NEDD9: variants seen among roughly 807,000 people sequenced by gnomAD.
NEDD9 encodes the protein enhancer of filamentation 1.
Under a neutral mutation model 76.6 loss-of-function variants are expected in NEDD9, and 26 were observed. That is an observed-to-expected ratio of 0.34 (90% confidence interval 0.25 to 0.47). NEDD9 has a LOEUF of 0.47. Ranked by LOEUF, NEDD9 falls within the 20% of genes least tolerant of loss-of-function variation. The pLI, the probability that NEDD9 is intolerant of heterozygous loss-of-function variation, is 1.00. For synonymous variants in NEDD9, 392 were observed against 414.2 expected, an observed-to-expected ratio of 0.95 and a Z score of 0.65; for missense variants, 937 against 1,058.5, an observed-to-expected ratio of 0.89 and a Z score of 1.59.
intron 2 of NEDD9, among the ~76,000 whole-genome samples, chr6:11,322,677 G>T (rs1761835567): frequency 6.6e-6 from 1 of 152,156 alleles, no homozygotes; most frequent in Non-Finnish European, 1.5e-5. Context: ...GAATAATGGA[G>T]TTCAGTGTTA....
chr6:11,378,861 C>T (rs922798479), intron 1 of NEDD9, among the ~76,000 whole-genome samples: 20 of 152,176 alleles, frequency 1.3e-4, no homozygotes, highest in African/African-American at 4.1e-4. Flanking sequence ...TACCTCCACC[C>T]GTCCCCTCAG....
chr6:11,298,264 A>G (rs1760951136), intron 3 of NEDD9, among the ~76,000 whole-genome samples: 1 of 152,148 alleles, frequency 6.6e-6, no homozygotes, highest in South Asian at 2.1e-4. Flanking sequence ...GAATATATGT[A>G]TGCGTAGTGT....
intron 2 of NEDD9, among the ~76,000 whole-genome samples, chr6:11,324,079 G>A (rs563784840): frequency 2.8e-4 from 42 of 152,284 alleles, no homozygotes; most frequent in African/African-American, 9.4e-4. Context: ...CAAGGATGCC[G>A]GGGAGGGCAC....
intron 1 of NEDD9, 35 bp downstream of exon 1, chr6:11,232,469 G>C (rs75150322): frequency 1.9e-6 from 3 of 1,613,938 alleles, no homozygotes; most frequent in African/African-American, 1.3e-5. Flanking sequence ...ACAGCTTTCA[G>C]CTTGCAAGGT....
At chr6:11,236,731 C>G (rs1759611589), upstream of NEDD9, among the ~76,000 whole-genome samples, 2 of 152,192 alleles carry the variant, frequency 1.3e-5, no homozygotes, top group South Asian at 4.1e-4. The surrounding 1 kb of genome is among the most constrained non-coding windows in gnomAD (Gnocchi z 5.5). Context: ...GCCTAACTCT[C>G]TCACTGCTGT....
chr6:11,209,491 G>A (rs1258505972), intron 2 of NEDD9, among the ~76,000 whole-genome samples: 2 of 152,188 alleles, frequency 1.3e-5, no homozygotes, highest in East Asian at 3.9e-4. Flanking sequence ...TGTACCTTCG[G>A]TGTGTCGTAA....
rs1758347214 is a variant in NEDD9, at chr6:11,198,511, C to T, written c.460-4819G>A. ...GCCCGGCTGAATGCCTTTCCCCCAC[C>T]AAGCCCTTCCCAAACAGATAATATG... On this transcript the variant is annotated intron_variant, in intron 2 of 6. Coordinates refer to ENST00000379446, the MANE Select transcript of NEDD9 (RefSeq NM_006403.4). The surrounding 1 kb of genome is among the most constrained non-coding windows in gnomAD (Gnocchi z 4.7). 6.6e-6 allele frequency: 1 copy of T among 152,312 alleles called. No homozygotes were observed. Among genetic ancestry groups the T allele is most frequent in the East Asian group, 1.9e-4 (1 of 5,172 alleles). The allele number at this position is 152,312 out of a possible 1,614,324, so 9.4% of individuals were successfully genotyped here. A position where few individuals can be genotyped will look rare whatever the true frequency, so the allele number is the denominator to read the frequency against.
upstream of NEDD9, among the ~76,000 whole-genome samples, chr6:11,235,104 T>C (rs1014267568): frequency 1.3e-5 from 2 of 152,156 alleles, no homozygotes; most frequent in African/African-American, 4.8e-5. The surrounding 1 kb of genome is among the most constrained non-coding windows in gnomAD (Gnocchi z 4.1). Flanking sequence ...TAAGATAATG[T>C]GGATAGAATT....
At chr6:11,205,409 A>T (rs929103725) in intron 2 of NEDD9, among the ~76,000 whole-genome samples, 1 of 152,238 alleles carries the variant, frequency 6.6e-6, no homozygotes, top group Non-Finnish European at 1.5e-5. Flanking sequence ...TGCACATTCA[A>T]TTGGTAGTGA....
At chr6:11,323,216 T>C (rs2113477465) in intron 2 of NEDD9, among the ~76,000 whole-genome samples, 1 of 152,374 alleles carries the variant, frequency 6.6e-6, no homozygotes, top group South Asian at 2.1e-4. Context: ...AAGGCTGATC[T>C]AACTCTCTTT....
chr6:11,336,562 T>A (rs1021844733), intron 1 of NEDD9, among the ~76,000 whole-genome samples: 5 of 152,180 alleles, frequency 3.3e-5, no homozygotes, highest in African/African-American at 1.2e-4. Flanking sequence ...CCATGAATGG[T>A]GCTTGCAGGA....
upstream of NEDD9, among the ~76,000 whole-genome samples, chr6:11,234,444 T>A (rs187514173): frequency 3.9e-5 from 6 of 152,332 alleles, no homozygotes; most frequent in African/African-American, 1.4e-4. Flanking sequence ...TTGATGAATA[T>A]CATTGAGTAA....
rs1344126164 is a variant in NEDD9, at chr6:11,185,282, C to A, written c.2385G>T (p.Lys795Asn). 5 of 1,614,070 alleles carry A rather than the reference C, an allele frequency of 3.1e-6. No individual in the cohort carries two copies. In the East Asian group the frequency reaches 1.1e-4, roughly 36 times the overall value. Reference sequence around the variant, plus strand: ...TGCTGGGGTAATGGAGGGCGGCCATCTTGGTTGCCATGACTATGGTCTTGA... The same window carrying A: ...TGCTGGGGTAATGGAGGGCGGCCATATTGGTTGCCATGACTATGGTCTTGA... ...EQLKTIVMAT[K>N]MAALHYPSTT... The change falls in exon 7 of 7, where the codon AAG becomes AAT. Residue 795 changes from lysine to asparagine, a missense_variant. Coordinates refer to ENST00000379446, the MANE Select transcript of NEDD9 (RefSeq NM_006403.4).
intron 1 of NEDD9, among the ~76,000 whole-genome samples, chr6:11,230,786 A>G (rs1759446829): frequency 6.6e-6 from 1 of 152,226 alleles, no homozygotes; most frequent in South Asian, 2.1e-4. Context: ...GTGGAGAAGC[A>G]GGTTTCTCCA....
chr6:11,240,241 C>A (rs1303692185), intron 3 of NEDD9, among the ~76,000 whole-genome samples: 1 of 152,020 alleles, frequency 6.6e-6, no homozygotes, highest in South Asian at 2.1e-4. Flanking sequence ...TTCTCTAGAT[C>A]TTCTAGGTTA....
intron 6 of NEDD9, among the ~76,000 whole-genome samples, chr6:11,187,779 C>T (rs960945): frequency 0.83 from 125,475 of 152,066 alleles, 51,914 homozygotes; most frequent in East Asian, 1. Flanking sequence ...GTGAAGTAGA[C>T]TGATAGAAAG....
intron 1 of NEDD9, among the ~76,000 whole-genome samples, chr6:11,371,132 T>C (rs564173296): frequency 6.6e-6 from 1 of 152,262 alleles, no homozygotes; most frequent in African/African-American, 2.4e-5. Flanking sequence ...TAGAGCACTT[T>C]TGGGTTCACA....
At chr6:11,378,893 G>A (rs1582058439) in intron 1 of NEDD9, among the ~76,000 whole-genome samples, 1 of 152,146 alleles carries the variant, frequency 6.6e-6, no homozygotes, top group Non-Finnish European at 1.5e-5. Context: ...GAGTTACATC[G>A]GAGCCTCATG....
chr6:11,312,946 G>A lies in NEDD9; in HGVS notation c.-152-6791C>T, dbSNP rs55670573. ...AAAGTACTGCAATGTCTTTCTTATT[G>A]TTCTTAAGACAATGTCCAAAATTCT... On this transcript the variant is annotated intron_variant, in intron 2 of 3. Transcript: ENST00000397378. 9.0e-3 allele frequency among the ~76,000 whole-genome samples: 1,377 copies of A among 152,166 alleles called. 21 individuals are homozygous for A. Among genetic ancestry groups the A allele is most frequent in the African/African-American group, 0.032 (1,310 of 41,528 alleles).
Sources: allele counts gnomAD v4.1 joint callset (sites outside exome capture counted in the v4.1 genomes callset), GRCh38; gene constraint gnomAD v4.1.1; non-coding constraint Gnocchi (gnomAD v3.1); transcripts MANE v1.5; gene names NCBI Gene and HGNC (gene_info 2026-07-23, HGNC 2026-07-21).